Variants in STX19 observed in about 807,000 individuals in gnomAD.
STX19 encodes the protein syntaxin-19.
STX19 carries 26 observed loss-of-function variants against 24.3 expected under a neutral mutation model. That is an observed-to-expected ratio of 1.07 (90% CI 0.78 to 1.48). The LOEUF (loss-of-function observed/expected upper bound fraction) is 1.48. Ranked by LOEUF, STX19 falls within the 40% of genes most tolerant of loss-of-function variation. The pLI is 0.00. For missense variants in STX19, 367 were observed against 331.9 expected, an observed-to-expected ratio of 1.11 and a Z score of -0.82; for synonymous variants, 116 against 106.9, an observed-to-expected ratio of 1.09 and a Z score of -0.52.
chr3:94,020,151 T>G (rs1056076774), intron 1 of STX19, among the ~76,000 whole-genome samples: 7 of 152,310 alleles, frequency 4.6e-5, no homozygotes, highest in African/African-American at 1.2e-4. Context: ...GAGTTAATAC[T>G]TAGAGGAGAA....
intron 1 of STX19, among the ~76,000 whole-genome samples, chr3:94,016,366 T>A (rs2076333558): frequency 6.6e-6 from 1 of 152,158 alleles, no homozygotes; most frequent in Admixed American, 6.5e-5. Context: ...TATGGAAATA[T>A]TTCTATTAAT....
In STX19 at chr3:94,014,790, C is replaced by G; in HGVS notation, c.480G>C (p.Glu160Asp). The G allele has an allele frequency of 6.2e-7, 1 of 1,613,988 alleles. No individual in the cohort carries two copies. The highest frequency in any genetic ancestry group is 1.1e-5 in the South Asian group (1 of 91,038). The change falls in exon 2 of 2, where the codon GAG (glutamate) becomes GAC (aspartate). Residue 160 changes from glutamate (E) to aspartate (D), a missense_variant. Transcript: ENST00000315099. Reference protein sequence around the residue: ...IYNDTIAAKQEKCKTFILRQL... With the variant: ...IYNDTIAAKQDKCKTFILRQL... ...GACGTAAAATAAATGTCTTGCACTT[C>G]TCTTGCTTTGCTGCTATTGTGTCAT...
chr3:94,014,534 T>C lies in STX19; in HGVS notation c.736A>G (p.Ser246Gly). The C allele has an allele frequency of 6.2e-7, 1 of 1,612,954 alleles. No individual in the cohort carries two copies. The highest frequency in any genetic ancestry group is 8.5e-7 in the Non-Finnish European group (1 of 1,179,632). ...ISLLVEEQGE[S>G]INNIEMTVNS... ...ACTGTCATTTCAATATTGTTGATGCTCTCTCCTTGTTCCTCTACTAAAAGA... is the reference window on the plus strand; with the variant it reads ...ACTGTCATTTCAATATTGTTGATGCCCTCTCCTTGTTCCTCTACTAAAAGA... The change falls in exon 2 of 2, where the codon AGC (serine) becomes GGC (glycine). Residue 246 changes from serine (S) to glycine (G), a missense_variant. Ser to Gly is a moderately conservative substitution (Grantham distance 56, BLOSUM62 0). Transcript: ENST00000315099.
chr3:94,016,925 G>A (rs544637842), intron 1 of STX19, among the ~76,000 whole-genome samples: 1 of 152,278 alleles, frequency 6.6e-6, no homozygotes, highest in Non-Finnish European at 1.5e-5. Flanking sequence ...GATTACAGGT[G>A]TGAGCCACCG....
Position 94,014,578 on chromosome 3 carries a change from TC to T in STX19, c.691del (p.Asp231IlefsTer9), listed in dbSNP as rs1285722146. 2 of 1,611,420 alleles carry T rather than the reference TC, an allele frequency of 1.2e-6. No homozygotes were observed. Among genetic ancestry groups the T allele is most frequent in the Non-Finnish European group, 1.7e-6 (2 of 1,179,402 alleles). On this transcript the variant is annotated frameshift_variant, in exon 2 of 2. Transcript: ENST00000315099. LOFTEE classifies it high-confidence loss of function. ...NLENQIKDLR[D>X]LFIQISLLVE... ...TAAAAGAGATATCTGAATGAAAAGATCCCTTAAATCCTTTATTTGGTTCTCC... is the reference window on the plus strand; with the variant it reads ...TAAAAGAGATATCTGAATGAAAAGATCCTTAAATCCTTTATTTGGTTCTCC...
chr3:94,016,944 C>T (rs1370722762), intron 1 of STX19, among the ~76,000 whole-genome samples: 1 of 152,124 alleles, frequency 6.6e-6, no homozygotes, highest in Non-Finnish European at 1.5e-5. Flanking sequence ...CGCTCCCAGC[C>T]TAATTAAGCT....
At position 94,014,535 on chromosome 3, in the gene STX19, C is replaced by T; in HGVS notation, c.735G>A (p.Glu245=). Residue 245 remains glutamate, a synonymous_variant, in exon 2 of 2, where the codon GAG becomes GAA. Coordinates refer to ENST00000315099, the MANE Select transcript of STX19 (RefSeq NM_001001850.3). ...CTGTCATTTCAATATTGTTGATGCT[C>T]TCTCCTTGTTCCTCTACTAAAAGAG... ...QISLLVEEQG[E]SINNIEMTVN... 6.2e-7 allele frequency: 1 copy of T among 1,612,842 alleles called. No individual in the cohort carries two copies. The highest frequency in any genetic ancestry group is 2.2e-5 in the East Asian group (1 of 44,836).
intron 1 of STX19, among the ~76,000 whole-genome samples, chr3:94,015,592 G>T (rs1272195895): frequency 6.6e-6 from 1 of 152,092 alleles, no homozygotes; most frequent in Admixed American, 6.6e-5. Flanking sequence ...TTGTAATAAA[G>T]AATGCTTTTG....
intron 1 of STX19, among the ~76,000 whole-genome samples, chr3:94,019,774 C>G (rs2106989151): frequency 6.6e-6 from 1 of 152,320 alleles, no homozygotes; most frequent in Non-Finnish European, 1.5e-5. Context: ...CTACAACTCT[C>G]CCTTTCTCTG....
intron 1 of STX19, among the ~76,000 whole-genome samples, chr3:94,016,582 A>G (rs148972376): frequency 6.6e-6 from 1 of 152,294 alleles, no homozygotes; most frequent in African/African-American, 2.4e-5. Flanking sequence ...GTATCTACAG[A>G]GTAGAAGACC....
At position 94,024,565 on chromosome 3, in the gene STX19, C is replaced by A. The variant is rs550566413; in HGVS notation, c.-14+3802G>T. Reference sequence around the variant, plus strand: ...CTAATGTTTTTATGACTGGAAAGATCTTTGTCCTTTTTTGGGCGTGTTGTT... The same window carrying A: ...CTAATGTTTTTATGACTGGAAAGATATTTGTCCTTTTTTGGGCGTGTTGTT... On this transcript the variant is annotated intron_variant, in intron 1 of 1. Transcript: ENST00000315099. Among the ~76,000 whole-genome samples the A allele has an allele frequency of 5.9e-5, 9 of 152,180 alleles. No homozygotes were observed. In the South Asian group the frequency reaches 1.9e-3, roughly 32 times the overall value.
In STX19 at chr3:94,016,132, G is replaced by A. The variant is rs370787296; in HGVS notation, c.-13-850C>T. 5.0e-4 allele frequency among the ~76,000 whole-genome samples: 76 copies of A among 151,890 alleles called. No homozygotes were observed. In the South Asian group the frequency reaches 0.015, roughly 31 times the overall value. On this transcript the variant is annotated intron_variant, in intron 1 of 1. Coordinates refer to ENST00000315099, the MANE Select transcript of STX19 (RefSeq NM_001001850.3). ...TTAATGATATAGATATATATGAAAT[G>A]ACATACATACATATAAAATGAAGGG... is the stretch of plus-strand genomic sequence containing the variant.
chr3:94,023,638 C>T (rs142845649), intron 1 of STX19, among the ~76,000 whole-genome samples: 144 of 152,182 alleles, frequency 9.5e-4, no homozygotes, highest in African/African-American at 3.4e-3. Context: ...AGTGACTTGC[C>T]TAAGGCCACA....
At chr3:94,019,842 G>T (rs1285076974) in intron 1 of STX19, among the ~76,000 whole-genome samples, 1 of 152,262 alleles carries the variant, frequency 6.6e-6, no homozygotes, top group African/African-American at 2.4e-5. Flanking sequence ...TGGCTTTAGG[G>T]CCTTGGCACT....
In STX19 at chr3:94,015,186, T is replaced by C; in HGVS notation, c.84A>G (p.Thr28=). The change falls in exon 2 of 2, where the codon ACA becomes ACG. Residue 28 remains threonine (T), a synonymous_variant. Coordinates refer to ENST00000315099, the MANE Select transcript of STX19 (RefSeq NM_001001850.3). Reference sequence around the variant, plus strand: ...GCTGTAGAAACACCCCTTGTTCCTCTGTTTCTGTAGTTGATACATGACTGT... The same window carrying C: ...GCTGTAGAAACACCCCTTGTTCCTCCGTTTCTGTAGTTGATACATGACTGT... ...SRDSHVSTTE[T]EEQGVFLQQA... 6.2e-7 allele frequency: 1 copy of C among 1,613,756 alleles called. No individual in the cohort carries two copies. Among genetic ancestry groups the C allele is most frequent in the Non-Finnish European group, 8.5e-7 (1 of 1,179,890 alleles).
At chr3:94,026,775 C>T (rs545436254) in intron 1 of STX19, among the ~76,000 whole-genome samples, 51 of 152,182 alleles carry the variant, frequency 3.4e-4, no homozygotes, top group African/African-American at 1.2e-3. Flanking sequence ...TATGAATCAT[C>T]TTTTATTATG....
At chr3:94,020,681 A>T (rs1450647042) in intron 1 of STX19, among the ~76,000 whole-genome samples, 1 of 152,198 alleles carries the variant, frequency 6.6e-6, no homozygotes, top group African/African-American at 2.4e-5. Flanking sequence ...TTGCTGTATT[A>T]CTTTATTGCC....
In STX19 at chr3:94,014,575, A is replaced by T. The variant is rs750724914; in HGVS notation, c.695T>A (p.Leu232His). The T allele has an allele frequency of 6.2e-7, 1 of 1,611,932 alleles. No homozygotes were observed. The highest frequency in any genetic ancestry group is 1.1e-5 in the South Asian group (1 of 90,388). The change falls in exon 2 of 2, where the codon CTT (leucine) becomes CAT (histidine). Residue 232 changes from leucine (L) to histidine (H), a missense_variant. Transcript: ENST00000315099. ...TACTAAAAGAGATATCTGAATGAAA[A>T]GATCCCTTAAATCCTTTATTTGGTT... ...LENQIKDLRD[L>H]FIQISLLVEE...
At chr3:94,024,332 A>G (rs1375590149) in intron 1 of STX19, among the ~76,000 whole-genome samples, 1 of 152,214 alleles carries the variant, frequency 6.6e-6, no homozygotes, top group Non-Finnish European at 1.5e-5. Context: ...AAAGAGTAAC[A>G]ATGTTAGAAG....
Sources: gnomAD v4.1 joint callset for allele counts (sites outside exome capture counted in the v4.1 genomes callset) on GRCh38, gnomAD v4.1.1 for gene constraint, MANE v1.5 for transcripts, NCBI Gene and HGNC (gene_info 2026-07-23, HGNC 2026-07-21) for gene names.